KCTD16: variants seen among roughly 807,000 people sequenced by gnomAD.
KCTD16 encodes the protein potassium channel tetramerization domain containing 16, also known as BTB/POZ domain-containing protein KCTD16.
A neutral mutation model predicts 33.2 loss-of-function variants in KCTD16; 13 were observed. That is an observed-to-expected ratio of 0.39 (90% CI 0.25 to 0.62). The LOEUF is 0.62. Ranked by LOEUF, KCTD16 falls within the 20% of genes least tolerant of loss-of-function variation. The probability of loss-of-function intolerance (pLI) is 0.50; values close to 1 mark genes in which losing one functional copy is unlikely to be tolerated. For missense variants in KCTD16, 441 were observed against 525.1 expected (o/e 0.84, Z 1.57); for synonymous variants, 197 against 195.3 (o/e 1.01, Z -0.07).
At chr5:144,361,376 C>T (rs543471644) in intron 3 of KCTD16, among the ~76,000 whole-genome samples, 3 of 152,222 alleles carry the variant, frequency 2.0e-5, no homozygotes, top group East Asian at 1.9e-4. Context: ...TATTTAACCT[C>T]TTGTGGTCTT....
intron 3 of KCTD16, among the ~76,000 whole-genome samples, chr5:144,229,160 C>T (rs898656755): frequency 2.6e-5 from 4 of 152,182 alleles, no homozygotes; most frequent in Non-Finnish European, 4.4e-5. Flanking sequence ...TCCTCACCAG[C>T]AGGCATGGGG....
At chr5:144,183,179 G>T (rs1444305202) in intron 2 of KCTD16, among the ~76,000 whole-genome samples, 1 of 152,254 alleles carries the variant, frequency 6.6e-6, no homozygotes, top group South Asian at 2.1e-4. Flanking sequence ...TTGGTGTTTT[G>T]TGTTTCTGTG....
At chr5:144,242,627 C>T (rs930588268) in intron 3 of KCTD16, among the ~76,000 whole-genome samples, 1 of 152,116 alleles carries the variant, frequency 6.6e-6, no homozygotes, top group Non-Finnish European at 1.5e-5. Context: ...GTATTTTGCT[C>T]ATGATTTGGC....
intron 3 of KCTD16, among the ~76,000 whole-genome samples, chr5:144,260,742 TTTG>T (rs201280424): frequency 2.6e-5 from 4 of 152,006 alleles, no homozygotes; most frequent in Admixed American, 6.6e-5. Context: ...GCCTGTTTTT[TTTG>T]TTGTTGTTGT....
intron 3 of KCTD16, among the ~76,000 whole-genome samples, chr5:144,355,343 G>C (rs1056829047): frequency 6.6e-6 from 1 of 152,154 alleles, no homozygotes; most frequent in African/African-American, 2.4e-5. Context: ...TTGCTTTTAA[G>C]TTCAGAGACC....
intron 3 of KCTD16, among the ~76,000 whole-genome samples, chr5:144,352,377 A>G (rs992592881): frequency 2.0e-4 from 31 of 152,290 alleles, no homozygotes; most frequent in African/African-American, 7.2e-4. Flanking sequence ...GTGGGGATGT[A>G]CTGGCAGAGA....
intron 3 of KCTD16, among the ~76,000 whole-genome samples, chr5:144,366,833 G>A (rs563389032): frequency 1.3e-5 from 2 of 152,208 alleles, no homozygotes; most frequent in South Asian, 4.1e-4. Context: ...GGATGATGCC[G>A]ATCAGATCCA....
At chr5:144,200,850 C>A (rs974692519) in intron 2 of KCTD16, among the ~76,000 whole-genome samples, 3 of 152,200 alleles carry the variant, frequency 2.0e-5, no homozygotes, top group Non-Finnish European at 4.4e-5. Flanking sequence ...TATTCTCCCC[C>A]CTCAGCCTCC....
intron 3 of KCTD16, among the ~76,000 whole-genome samples, chr5:144,238,461 T>C (rs2126819193): frequency 6.6e-6 from 1 of 152,262 alleles, no homozygotes; most frequent in African/African-American, 2.4e-5. Flanking sequence ...CGTCAAAGCC[T>C]GTCACTTTTA....
At chr5:144,176,195 A>C (rs1029558373) in intron 2 of KCTD16, among the ~76,000 whole-genome samples, 4 of 152,114 alleles carry the variant, frequency 2.6e-5, no homozygotes, top group Non-Finnish European at 5.9e-5. Flanking sequence ...CTTATTTCAA[A>C]TACTATGAAA....
chr5:144,276,110 T>A lies in KCTD16; in HGVS notation c.832+68564T>A, dbSNP rs573215229. Among the ~76,000 whole-genome samples, 4 of 152,362 alleles carry A rather than the reference T, an allele frequency of 2.6e-5. No homozygotes were observed. In the East Asian group the frequency reaches 7.7e-4, roughly 29 times the overall value. On this transcript the variant is annotated intron_variant, in intron 3 of 3. Coordinates refer to ENST00000512467, the MANE Select transcript of KCTD16 (RefSeq NM_020768.4). ...CATGAATACATTTTCCCTTAAAGGC[T>A]CCTTTGCCTTAAACCCTTCTCTTCT...
chr5:144,188,619 A>C (rs1404357696), intron 2 of KCTD16, among the ~76,000 whole-genome samples: 2 of 152,228 alleles, frequency 1.3e-5, no homozygotes, highest in Non-Finnish European at 2.9e-5. Flanking sequence ...TATAAATCAA[A>C]TGTAATAAAG....
At chr5:144,295,912 C>T (rs559650730) in intron 3 of KCTD16, among the ~76,000 whole-genome samples, 3 of 152,296 alleles carry the variant, frequency 2.0e-5, no homozygotes, top group Admixed American at 2.0e-4. Flanking sequence ...ACTCTCTCCC[C>T]TATAACCTCC....
chr5:144,442,706 C>CA (rs1463341014), intron 3 of KCTD16, among the ~76,000 whole-genome samples: 1 of 151,956 alleles, frequency 6.6e-6, no homozygotes, highest in African/African-American at 2.4e-5. Context: ...TTGTTTTTGA[C>CA]AACACTCTTA....
intron 3 of KCTD16, among the ~76,000 whole-genome samples, chr5:144,331,319 C>T (rs967306382): frequency 2.0e-5 from 3 of 152,120 alleles, no homozygotes; most frequent in Non-Finnish European, 4.4e-5. Context: ...AGGCACAGCA[C>T]CATTACAGGA....
intron 3 of KCTD16, among the ~76,000 whole-genome samples, chr5:144,444,162 C>T (rs1045127805): frequency 2.0e-5 from 3 of 151,872 alleles, no homozygotes; most frequent in African/African-American, 7.3e-5. Context: ...TTTTTTTTAG[C>T]AGAGAGAGTC....
At chr5:144,448,894 T>C (rs2126983098) in intron 3 of KCTD16, among the ~76,000 whole-genome samples, 1 of 152,194 alleles carries the variant, frequency 6.6e-6, no homozygotes, top group South Asian at 2.1e-4. Context: ...GATAAACTTT[T>C]GGTACAATCA....
At chr5:144,180,927 T>C (rs977033051) in intron 2 of KCTD16, among the ~76,000 whole-genome samples, 1 of 152,062 alleles carries the variant, frequency 6.6e-6, no homozygotes, top group Non-Finnish European at 1.5e-5. Flanking sequence ...ACTGCAACTT[T>C]TTCTTTTTTC....
chr5:144,193,358 G>T (rs1402133466), intron 2 of KCTD16, among the ~76,000 whole-genome samples: 1 of 151,954 alleles, frequency 6.6e-6, no homozygotes, highest in African/African-American at 2.4e-5. Context: ...TGGCTTTCTT[G>T]GTTCCTTGAA....
Sources: gnomAD v4.1 joint callset for allele counts (sites outside exome capture counted in the v4.1 genomes callset) on GRCh38, gnomAD v4.1.1 for gene constraint, MANE v1.5 for transcripts, NCBI Gene and HGNC (gene_info 2026-07-23, HGNC 2026-07-21) for gene names.